Variants in SLC9A3 observed in about 807,000 individuals in gnomAD.
SLC9A3 encodes sodium/hydrogen exchanger 3.
A neutral mutation model predicts 86.8 loss-of-function variants in SLC9A3; 37 were observed. That is an observed-to-expected ratio of 0.43 (90% CI 0.33 to 0.56). The LOEUF is 0.56. Ranked by LOEUF, SLC9A3 falls within the 20% of genes least tolerant of loss-of-function variation. SLC9A3 has a pLI of 0.06. For missense variants in SLC9A3, 1,011 were observed against 1,171.9 expected, an observed-to-expected ratio of 0.86 and a Z score of 2.00; for synonymous variants, 581 against 528.3, an observed-to-expected ratio of 1.10 and a Z score of -1.37.
intron 15 of SLC9A3, 35 bp downstream of exon 15, chr5:475,526 C>T: frequency 7.5e-7 from 1 of 1,334,344 alleles, no homozygotes; most frequent in East Asian, 2.5e-5. Flanking sequence ...GGAGCCACCC[C>T]TCCCTTAGCC....
chr5:488,138 C>A (rs570358589), intron 3 of SLC9A3, among the ~76,000 whole-genome samples, 178 bp downstream of exon 3: 1 of 152,354 alleles, frequency 6.6e-6, no homozygotes, highest in South Asian at 2.1e-4. Flanking sequence ...AGAAGCCTCG[C>A]GAAAGCTGCC....
intron 1 of SLC9A3, among the ~76,000 whole-genome samples, chr5:494,815 C>T (rs370241905): frequency 2.0e-5 from 3 of 152,298 alleles, no homozygotes; most frequent in East Asian, 3.9e-4. Flanking sequence ...TGATGGTGAC[C>T]CCCTGGAGGC....
intron 1 of SLC9A3, among the ~76,000 whole-genome samples, chr5:514,991 G>A (rs1422034968): frequency 6.6e-6 from 1 of 152,100 alleles, no homozygotes; most frequent in Non-Finnish European, 1.5e-5. Flanking sequence ...GGCTGGGATG[G>A]TCCAGCACAA....
chr5:495,407 G>A (rs1170100240), intron 1 of SLC9A3, among the ~76,000 whole-genome samples: 2 of 138,176 alleles, frequency 1.4e-5, no homozygotes, highest in South Asian at 2.4e-4. Context: ...CCCTCCCCAC[G>A]CTCCACTCCC....
intron 1 of SLC9A3, among the ~76,000 whole-genome samples, chr5:516,357 T>C (rs116448695): frequency 0.015 from 2,307 of 152,254 alleles, 58 homozygotes; most frequent in African/African-American, 0.052. Context: ...CGCTGGCTGC[T>C]GCAAAGTCCA....
intron 1 of SLC9A3, among the ~76,000 whole-genome samples, chr5:501,402 A>G (rs890799788): frequency 2.0e-5 from 3 of 152,190 alleles, no homozygotes. Context: ...GTCCCGGAGG[A>G]TTAAACTCTG....
At chr5:514,822 G>A (rs954899979) in intron 1 of SLC9A3, among the ~76,000 whole-genome samples, 7 of 152,246 alleles carry the variant, frequency 4.6e-5, no homozygotes, top group Non-Finnish European at 7.3e-5. Context: ...CTCAGCAGGC[G>A]GTGAGCCTGC....
In SLC9A3 at chr5:471,212, G is replaced by A. The variant is rs537175936; in HGVS notation, c.*2167C>T. 1.9e-4 allele frequency: 31 copies of A among 160,740 alleles called. No individual in the cohort carries two copies. The highest frequency in any genetic ancestry group is 6.0e-4 in the African/African-American group (25 of 41,678). The allele number at this position is 160,740 out of a possible 1,614,324, so 10.0% of individuals were successfully genotyped here. ...TGTGTTCACCATGTGGAGATCAGGCGGCGATTACCGCATCTTCTTTGCTGA... is the reference window on the plus strand; with the variant it reads ...TGTGTTCACCATGTGGAGATCAGGCAGCGATTACCGCATCTTCTTTGCTGA... On this transcript the variant is annotated 3_prime_UTR_variant, in exon 17 of 17. Transcript: ENST00000264938.
chr5:507,517 G>C (rs1437581645), intron 1 of SLC9A3, among the ~76,000 whole-genome samples: 3 of 151,520 alleles, frequency 2.0e-5, no homozygotes, highest in Non-Finnish European at 4.4e-5. Context: ...CTCCAGCCGC[G>C]GCTTCCCAAA....
At chr5:486,238 G>A (rs906862828) in intron 3 of SLC9A3, among the ~76,000 whole-genome samples, 1 of 152,162 alleles carries the variant, frequency 6.6e-6, no homozygotes, top group African/African-American at 2.4e-5. Context: ...AGGATGGGCA[G>A]GGGCAGCACG....
chr5:479,751 G>A, intron 10 of SLC9A3, 85 bp downstream of exon 10: 2 of 1,360,540 alleles, frequency 1.5e-6, no homozygotes, highest in Non-Finnish European at 2.0e-6. Flanking sequence ...GGGTGCAGGG[G>A]CCTCTCCTCA....
intron 1 of SLC9A3, among the ~76,000 whole-genome samples, chr5:500,565 G>A (rs1165786214): frequency 6.7e-6 from 1 of 148,706 alleles, no homozygotes; most frequent in Admixed American, 6.7e-5. Context: ...ATGGGTCAGT[G>A]TGGACACAGG....
chr5:484,844 C>T, intron 4 of SLC9A3, 147 bp from the exon 5 acceptor site: 1 of 785,912 alleles, frequency 1.3e-6, no homozygotes, highest in Non-Finnish European at 2.0e-6. Flanking sequence ...GGTCTCAGCA[C>T]CAGCCTTGGT....
chr5:509,274 ACT>A (rs1253378928), intron 1 of SLC9A3, among the ~76,000 whole-genome samples: 2 of 151,508 alleles, frequency 1.3e-5, no homozygotes, highest in Non-Finnish European at 2.9e-5. Context: ...GCATGGTGAA[ACT>A]CTGTCTCTAC....
intron 9 of SLC9A3, among the ~76,000 whole-genome samples, chr5:481,264 C>G (rs987881438): frequency 6.6e-6 from 1 of 152,206 alleles, no homozygotes; most frequent in Non-Finnish European, 1.5e-5. Context: ...ATTTTCAATT[C>G]CTACATAACA....
At chr5:520,924 G>A (rs1316941897) in intron 1 of SLC9A3, among the ~76,000 whole-genome samples, 4 of 152,170 alleles carry the variant, frequency 2.6e-5, no homozygotes, top group East Asian at 3.9e-4. Context: ...CAACACGGAC[G>A]GTGCAGGGTG....
rs769983263 is a variant in SLC9A3, at chr5:482,053, C to G, written c.1446+15G>C. The G allele has an allele frequency of 2.8e-6, 3 of 1,088,516 alleles. No homozygotes were observed. Among genetic ancestry groups the G allele is most frequent in the Non-Finnish European group, 2.7e-6 (2 of 739,936 alleles). 67.4% of individuals were successfully genotyped at this position (1,088,516 alleles called of 1,614,324 possible). On this transcript the variant is annotated intron_variant, in intron 8 of 16. Transcript: ENST00000264938. ...CACGCAGTGCCCCCCCCCCGCCCCCCAGCCCCGCACTTACGCGCCCGTGCA... is the reference window on the plus strand; with the variant it reads ...CACGCAGTGCCCCCCCCCCGCCCCCGAGCCCCGCACTTACGCGCCCGTGCA...
In SLC9A3 at chr5:524,422, G is replaced by C; in HGVS notation, c.-100C>G. 2 of 382,720 alleles carry C rather than the reference G, an allele frequency of 5.2e-6. No individual in the cohort carries two copies. The highest frequency in any genetic ancestry group is 4.0e-6 in the Non-Finnish European group (1 of 249,264). The allele number at this position is 382,720 out of a possible 1,614,324, so 23.7% of individuals were successfully genotyped here. A position where few individuals can be genotyped will look rare whatever the true frequency, so the allele number is the denominator to read the frequency against. Reference sequence around the variant, plus strand: ...CTGGGACCCGGCGAGGACCCGGCGCGCTCCGGTGCCGGTACCGGCTACAGT... The same window carrying C: ...CTGGGACCCGGCGAGGACCCGGCGCCCTCCGGTGCCGGTACCGGCTACAGT... On this transcript the variant is annotated 5_prime_UTR_variant, in exon 1 of 17. Coordinates refer to ENST00000264938, the MANE Select transcript of SLC9A3 (RefSeq NM_004174.4).
intron 2 of SLC9A3, 21 bp from the exon 3 acceptor site, chr5:488,497 C>A (rs376739309): frequency 2.0e-5 from 31 of 1,524,978 alleles, no homozygotes; most frequent in Non-Finnish European, 2.5e-5. Context: ...AGCCGGGCCG[C>A]GGGGCAGCTG....
Sources: gnomAD v4.1 joint callset for allele counts (sites outside exome capture counted in the v4.1 genomes callset) on GRCh38, gnomAD v4.1.1 for gene constraint, MANE v1.5 for transcripts, NCBI Gene and HGNC (gene_info 2026-07-23, HGNC 2026-07-21) for gene names.